The following CADM2 variants were observed in gnomAD, a reference collection of about 807,000 sequenced individuals.
The protein encoded by CADM2 is immunoglobulin superfamily member 4D.
In CADM2, 12 loss-of-function variants were observed where a neutral mutation model predicts 49.8. The observed-to-expected ratio is 0.24, with a 90% CI of 0.15 to 0.39. The LOEUF is 0.39. CADM2 is among the 10% of genes least tolerant of loss of function. The pLI is 1.00. For missense variants in CADM2, 378 were observed against 492.3 expected, an observed-to-expected ratio of 0.77 and a Z score of 2.20; for synonymous variants, 214 against 175.4, an observed-to-expected ratio of 1.22 and a Z score of -1.74.
At chr3:85,942,593 T>C (rs186971235) in intron 7 of CADM2, among the ~76,000 whole-genome samples, 80 of 151,576 alleles carry the variant, frequency 5.3e-4, no homozygotes, top group African/African-American at 1.8e-3. Flanking sequence ...TGTATGTTTT[T>C]TTGTTCTTGC....
intron 1 of CADM2, among the ~76,000 whole-genome samples, chr3:85,059,336 T>G (rs2036213262): frequency 6.6e-6 from 1 of 151,724 alleles, no homozygotes; most frequent in Non-Finnish European, 1.5e-5. Flanking sequence ...AAAACAACTA[T>G]GCATTTCTCT....
chr3:85,292,653 C>A (rs1379701646), intron 1 of CADM2, among the ~76,000 whole-genome samples: 1 of 147,076 alleles, frequency 6.8e-6, no homozygotes, highest in African/African-American at 2.5e-5. Context: ...AACCGCTCAA[C>A]TACATGGAAA....
chr3:85,807,523 A>G (rs1319127299), intron 3 of CADM2, among the ~76,000 whole-genome samples: 2 of 151,786 alleles, frequency 1.3e-5, no homozygotes, highest in African/African-American at 4.8e-5. Context: ...AAAAAAGACA[A>G]AAAGACAGAA....
intron 1 of CADM2, among the ~76,000 whole-genome samples, chr3:85,605,679 G>A (rs1467516448): frequency 6.6e-6 from 1 of 151,960 alleles, no homozygotes; most frequent in Non-Finnish European, 1.5e-5. Flanking sequence ...TCTTTATTTA[G>A]ATGATTCACC....
Position 85,530,370 on chromosome 3 carries a change from G to T in CADM2, c.62-196152G>T, listed in dbSNP as rs371308923. Among the ~76,000 whole-genome samples, 6 of 128,314 alleles carry T rather than the reference G, an allele frequency of 4.7e-5. No individual in the cohort carries two copies. In the East Asian group the frequency reaches 1.3e-3, roughly 28 times the overall value. The allele number at this position is 128,314 out of a possible 152,430, so 84.2% of individuals were successfully genotyped here. ...TTTTGAGACGGAGTCTCACTCTGTC[G>T]CCCAGGCTGGAGTGCAGTGGCGCGA... is the stretch of plus-strand genomic sequence containing the variant. On this transcript the variant is annotated intron_variant, in intron 1 of 9. Coordinates refer to ENST00000383699, the MANE Select transcript of CADM2 (RefSeq NM_001167675.2).
chr3:85,491,226 A>G (rs575742539), intron 1 of CADM2, among the ~76,000 whole-genome samples: 2 of 152,352 alleles, frequency 1.3e-5, no homozygotes, highest in South Asian at 4.1e-4. Flanking sequence ...GAGAGCAGTG[A>G]AAGTATAGAA....
At chr3:85,163,388 G>A (rs1183977142) in intron 1 of CADM2, among the ~76,000 whole-genome samples, 1 of 152,012 alleles carries the variant, frequency 6.6e-6, no homozygotes, top group Non-Finnish European at 1.5e-5. Flanking sequence ...CAGAAACATC[G>A]TGAACTGGGA....
chr3:85,691,284 T>C (rs6549051), intron 1 of CADM2, among the ~76,000 whole-genome samples: 55,527 of 152,068 alleles, frequency 0.37, 10,650 homozygotes, highest in Non-Finnish European at 0.41. Context: ...AATTCCTCTA[T>C]GTGTATGTGT....
At chr3:85,332,901 A>G (rs559530648) in intron 1 of CADM2, among the ~76,000 whole-genome samples, 2 of 152,076 alleles carry the variant, frequency 1.3e-5, no homozygotes, top group South Asian at 4.1e-4. Context: ...ATAAATATGT[A>G]TGAATTACAG....
At chr3:85,268,220 A>G (rs1284611243) in intron 1 of CADM2, among the ~76,000 whole-genome samples, 1 of 151,430 alleles carries the variant, frequency 6.6e-6, no homozygotes, top group Non-Finnish European at 1.5e-5. Context: ...GCCAGGGGAA[A>G]AAAACACGTG....
chr3:85,767,025 T>A (rs2107925953), intron 2 of CADM2, among the ~76,000 whole-genome samples: 1 of 152,328 alleles, frequency 6.6e-6, no homozygotes, highest in Admixed American at 6.5e-5. Context: ...TTATGTTGAT[T>A]ATCTACTATT....
chr3:85,344,204 T>C lies in CADM2; in HGVS notation c.62-382318T>C, dbSNP rs1440060410. ...TCTTGGCTAACACGGTGAAACCCCA[T>C]CTCTACTAAAAATACAAAAAAAAAA... is the stretch of plus-strand genomic sequence containing the variant. On this transcript the variant is annotated intron_variant, in intron 1 of 9. Coordinates refer to ENST00000383699, the MANE Select transcript of CADM2 (RefSeq NM_001167675.2). Among the ~76,000 whole-genome samples the C allele has an allele frequency of 4.0e-5, 6 of 150,284 alleles. No individual in the cohort carries two copies. The East Asian group carries it at 9.8e-4, about 25-fold the overall frequency.
intron 1 of CADM2, among the ~76,000 whole-genome samples, chr3:85,027,206 C>G (rs944585272): frequency 1.5e-4 from 23 of 149,280 alleles, no homozygotes; most frequent in African/African-American, 5.7e-4. Context: ...CCTCCGCCTC[C>G]CGGGTTTAAG....
At chr3:85,634,135 A>G (rs1280402797) in intron 1 of CADM2, among the ~76,000 whole-genome samples, 1 of 152,078 alleles carries the variant, frequency 6.6e-6, no homozygotes, top group Non-Finnish European at 1.5e-5. Context: ...ATGAGATGTC[A>G]GAAAGGTAGT....
At chr3:85,844,775 T>A (rs183016908) in intron 3 of CADM2, among the ~76,000 whole-genome samples, 1 of 152,110 alleles carries the variant, frequency 6.6e-6, no homozygotes, top group Non-Finnish European at 1.5e-5. Flanking sequence ...CACACACATA[T>A]TGCATTCGGA....
At chr3:85,316,690 C>T (rs2107079432) in intron 1 of CADM2, among the ~76,000 whole-genome samples, 1 of 152,008 alleles carries the variant, frequency 6.6e-6, no homozygotes, top group South Asian at 2.1e-4. Context: ...GTTTGAGATA[C>T]ATGTACTTAA....
intron 8 of CADM2, among the ~76,000 whole-genome samples, chr3:85,967,898 A>T (rs968564266): frequency 7.9e-5 from 12 of 151,626 alleles, no homozygotes; most frequent in Admixed American, 1.3e-4. Context: ...CAAACATTAA[A>T]AAGGGATTCA....
chr3:85,119,180 G>A (rs1305723497), intron 1 of CADM2, among the ~76,000 whole-genome samples: 2 of 152,158 alleles, frequency 1.3e-5, no homozygotes, highest in Non-Finnish European at 2.9e-5. Context: ...GGGAGGCTGA[G>A]GTGGGCTGAT....
intron 1 of CADM2, among the ~76,000 whole-genome samples, chr3:85,573,155 T>G (rs2062528914): frequency 7.0e-6 from 1 of 142,712 alleles, no homozygotes; most frequent in Admixed American, 7.4e-5. Flanking sequence ...AAAACGTGCT[T>G]ATTTTATTTA....
Sources: gnomAD v4.1 joint callset for allele counts (sites outside exome capture counted in the v4.1 genomes callset) on GRCh38, gnomAD v4.1.1 for gene constraint, MANE v1.5 for transcripts, NCBI Gene and HGNC (gene_info 2026-07-23, HGNC 2026-07-21) for gene names.